The following CAST variants were observed in gnomAD, a reference collection of about 807,000 sequenced individuals.
CAST encodes the protein calpastatin.
In CAST, 76 loss-of-function variants were observed where a neutral mutation model predicts 119.6. The observed-to-expected ratio is 0.64, with a 90% CI of 0.53 to 0.77. CAST has a LOEUF of 0.77. Among genes scored for constraint, CAST ranks in the 30% least tolerant of loss-of-function variants. The probability of loss-of-function intolerance (pLI) is 0.00; values close to 1 mark genes in which losing one functional copy is unlikely to be tolerated. For synonymous variants in CAST, 319 were observed against 331.6 expected, an observed-to-expected ratio of 0.96 and a Z score of 0.41; for missense variants, 953 against 946.5, an observed-to-expected ratio of 1.01 and a Z score of -0.09.
At chr5:96,127,525 A>G in the CAST span, among the ~76,000 whole-genome samples, 29 of 152,084 alleles carry the variant, frequency 1.9e-4, no homozygotes, top group Non-Finnish European at 3.2e-4. Flanking sequence ...GAGAGGAGGG[A>G]AGAGCAGTTT....
chr5:96,522,167 C>T (rs1054770295), upstream of CAST, among the ~76,000 whole-genome samples: 9 of 152,082 alleles, frequency 5.9e-5, no homozygotes, highest in Non-Finnish European at 8.8e-5. Context: ...TTTAATGTTT[C>T]TTCAGAAGGG....
the CAST span, among the ~76,000 whole-genome samples, chr5:96,441,429 C>G: frequency 6.6e-6 from 1 of 152,070 alleles, no homozygotes; most frequent in African/African-American, 2.4e-5. Context: ...CTCCAATTCA[C>G]TAAAATGCAG....
chr5:96,497,977 G>C, the CAST span, among the ~76,000 whole-genome samples: 1 of 152,294 alleles, frequency 6.6e-6, no homozygotes, highest in East Asian at 1.9e-4. Flanking sequence ...TTTTCTTCTA[G>C]GGTTTTTATG....
the CAST span, among the ~76,000 whole-genome samples, chr5:95,983,592 A>T: frequency 1.3e-5 from 2 of 152,220 alleles, no homozygotes; most frequent in South Asian, 4.1e-4. Context: ...TTGTATGTGA[A>T]TACAGATTAC....
chr5:96,589,299 T>C (rs1352315843), intron 1 of CAST, among the ~76,000 whole-genome samples: 1 of 152,184 alleles, frequency 6.6e-6, no homozygotes, highest in Non-Finnish European at 1.5e-5. Flanking sequence ...TTTGTAAACA[T>C]GTATTCTGGC....
At chr5:96,587,597 T>C (rs768851904) in intron 1 of CAST, among the ~76,000 whole-genome samples, 1 of 152,170 alleles carries the variant, frequency 6.6e-6, no homozygotes, top group Non-Finnish European at 1.5e-5. Context: ...GAAAGACCAG[T>C]AGGAAATGGG....
chr5:96,065,814 A>G, the CAST span, among the ~76,000 whole-genome samples: 2 of 152,242 alleles, frequency 1.3e-5, no homozygotes, highest in Middle Eastern at 6.8e-3. Context: ...GTTTAATTCT[A>G]GGGCAATTAA....
At chr5:96,117,692 G>A in the CAST span, among the ~76,000 whole-genome samples, 1 of 152,184 alleles carries the variant, frequency 6.6e-6, no homozygotes, top group Non-Finnish European at 1.5e-5. Context: ...TCCAAGTTTT[G>A]TTAAGTCTTA....
chr5:96,146,679 T>TA, the CAST span, among the ~76,000 whole-genome samples: 1 of 152,248 alleles, frequency 6.6e-6, no homozygotes, highest in Admixed American at 6.5e-5. Context: ...CACATTAACA[T>TA]ACAGCCTTTT....
chr5:96,147,099 A>G, the CAST span, among the ~76,000 whole-genome samples: 1 of 152,236 alleles, frequency 6.6e-6, no homozygotes, highest in African/African-American at 2.4e-5. Context: ...GATTATGCAC[A>G]GCTGGAAGTG....
chr5:96,530,216 G>A (rs185776165), intron 1 of CAST, among the ~76,000 whole-genome samples: 4 of 152,278 alleles, frequency 2.6e-5, no homozygotes, highest in African/African-American at 9.6e-5. Flanking sequence ...GGGTAATCAC[G>A]GAAGGCTTCT....
rs192445816 is a variant in CAST at position 96,544,713 on chromosome 5, G to A, written c.60+14833G>A. On this transcript the variant is annotated intron_variant, in intron 1 of 11. Coordinates refer to the CAST transcript ENST00000505143. ...TAAAAGGAGATTTAGAAAAATAAGT[G>A]CAATGAGTAGAAAAGAGTTAAAAAT... Among the ~76,000 whole-genome samples the A allele has an allele frequency of 2.6e-5, 4 of 151,882 alleles. No homozygotes were observed. The East Asian group carries it at 7.7e-4, about 29-fold the overall frequency.
At chr5:96,153,028 A>T in the CAST span, among the ~76,000 whole-genome samples, 2 of 152,372 alleles carry the variant, frequency 1.3e-5, no homozygotes, top group Admixed American at 1.3e-4. Flanking sequence ...TGCCAGTATC[A>T]TATCTGAATA....
At chr5:96,768,448 GA>G in intron 29 of CAST, 1 of 447,942 alleles carries the variant, frequency 2.2e-6, no homozygotes, top group South Asian at 1.6e-5. Flanking sequence ...ATGAAGAAAA[GA>G]AAAAATGCCT....
chr5:96,215,890 C>A, the CAST span, among the ~76,000 whole-genome samples: 1 of 152,172 alleles, frequency 6.6e-6, no homozygotes, highest in African/African-American at 2.4e-5. Flanking sequence ...TCACTGCAAC[C>A]TCTGCCTCTC....
At chr5:96,521,851 G>A (rs1745523579), upstream of CAST, among the ~76,000 whole-genome samples, 1 of 152,214 alleles carries the variant, frequency 6.6e-6, no homozygotes, top group African/African-American at 2.4e-5. Context: ...GGGTGCGGTG[G>A]CTCCGGACTG....
At chr5:96,251,303 GT>G in the CAST span, among the ~76,000 whole-genome samples, 1 of 152,160 alleles carries the variant, frequency 6.6e-6, no homozygotes, top group African/African-American at 2.4e-5. Flanking sequence ...TTTTAGGAAG[GT>G]GTAAGTCCAT....
chr5:96,325,004 A>G, the CAST span, among the ~76,000 whole-genome samples: 2 of 152,170 alleles, frequency 1.3e-5, no homozygotes, highest in African/African-American at 4.8e-5. Flanking sequence ...CAGGAGTTCA[A>G]GACTAGCCTT....
At position 96,617,790 on chromosome 5, in the gene CAST, T is replaced by TAAAAAAAAAAAA. The variant is rs1162873931; in HGVS notation, c.61-57721_61-57710dup. On this transcript the variant is annotated intron_variant, in intron 1 of 11. Transcript: ENST00000505143. ...CTGGGCAACAGAGCAAAATTCCATC[T>TAAAAAAAAAAAA]AAAAAAAAAAAAAAAAAAAAAAAAA... 4.5e-4 allele frequency among the ~76,000 whole-genome samples: 10 copies of TAAAAAAAAAAAA among 21,998 alleles called. 4 individuals carry two copies. The highest frequency in any genetic ancestry group is 5.8e-4 in the African/African-American group (5 of 8,566). 14.4% of individuals were successfully genotyped at this position (21,998 alleles called of 152,430 possible).
Sources: gnomAD v4.1 joint callset for allele counts (sites outside exome capture counted in the v4.1 genomes callset) on GRCh38, gnomAD v4.1.1 for gene constraint, MANE v1.5 for transcripts, NCBI Gene and HGNC (gene_info 2026-07-23, HGNC 2026-07-21) for gene names.